Variants in PPP2R5C observed in about 807,000 individuals in gnomAD.
PPP2R5C encodes the protein serine/threonine-protein phosphatase 2A 56 kDa regulatory subunit gamma isoform.
In PPP2R5C, 7 loss-of-function variants were observed where a neutral mutation model predicts 68.9. The observed-to-expected ratio is 0.10, with a 90% CI of 0.06 to 0.19. The LOEUF is 0.19. Among genes scored for constraint, PPP2R5C ranks in the 10% least tolerant of loss-of-function variants. PPP2R5C has a pLI of 1.00. For synonymous variants in PPP2R5C, 210 were observed against 222.2 expected, an observed-to-expected ratio of 0.95 and a Z score of 0.49; for missense variants, 348 against 641.3, an observed-to-expected ratio of 0.54 and a Z score of 4.94.
rs1469363175 is a variant in PPP2R5C at position 101,906,745 on chromosome 14, A to T, written c.1151+216A>T. Reference sequence around the variant, plus strand: ...CCTTCATTCCTGCCAGTATAGAGGCACATTGGTTTGCAGCCACCTCCCAGT... The same window carrying T: ...CCTTCATTCCTGCCAGTATAGAGGCTCATTGGTTTGCAGCCACCTCCCAGT... On this transcript the variant is annotated intron_variant, in intron 10 of 13. Transcript: ENST00000334743. This position sits in a 1 kb window ranked among gnomAD's most constrained non-coding sequence, Gnocchi z 4.0. The T allele has an allele frequency of 1.8e-6, 1 of 555,358 alleles. No homozygotes were observed. Among genetic ancestry groups the T allele is most frequent in the Non-Finnish European group, 3.0e-6 (1 of 335,776 alleles). 34.4% of individuals were successfully genotyped at this position (555,358 alleles called of 1,614,324 possible).
chr14:101,925,006 C>G, intron 13 of PPP2R5C, 135 bp from the exon 16 acceptor site: 2 of 990,922 alleles, frequency 2.0e-6, no homozygotes, highest in South Asian at 3.1e-5. Flanking sequence ...CGCCGTTTCC[C>G]TGTGGCCAGG....
intron 1 of PPP2R5C, among the ~76,000 whole-genome samples, chr14:101,842,992 A>G (rs1566896544): frequency 6.6e-6 from 1 of 152,022 alleles, no homozygotes; most frequent in African/African-American, 2.4e-5. Context: ...TTGGTAGGCC[A>G]GAGGGGAAAG....
chr14:101,846,168 C>T (rs1484143164), intron 1 of PPP2R5C, among the ~76,000 whole-genome samples: 3 of 152,192 alleles, frequency 2.0e-5, no homozygotes, highest in Admixed American at 6.5e-5. Flanking sequence ...TGCTTCAACT[C>T]CTTCACATTG....
At chr14:101,839,521 A>G (rs1036952537) in intron 1 of PPP2R5C, 1 of 152,412 alleles carries the variant, frequency 6.6e-6, no homozygotes, top group Non-Finnish European at 1.5e-5. Flanking sequence ...AGGCTTCACC[A>G]GTGCACGCCT....
At chr14:101,910,802 C>T (rs1346925356) in intron 11 of PPP2R5C, among the ~76,000 whole-genome samples, 1 of 148,214 alleles carries the variant, frequency 6.7e-6, no homozygotes, top group Non-Finnish European at 1.5e-5. Context: ...CCCGTCTCTA[C>T]TAAAAATACA....
chr14:101,901,962 C>G, intron 9 of PPP2R5C, 73 bp downstream of exon 11: 1 of 1,500,212 alleles, frequency 6.7e-7, no homozygotes, highest in Non-Finnish European at 9.1e-7. Context: ...CCATGCGTAG[C>G]TGGCCATGCT....
In PPP2R5C at chr14:101,797,634, T is replaced by C. The variant is rs2038676735; in HGVS notation, c.259+11451T>C. On this transcript the variant is annotated intron_variant, in intron 3 of 14. Transcript: ENST00000328724. This position sits in a 1 kb window ranked among gnomAD's most constrained non-coding sequence, Gnocchi z 4.2. ...GAGGCTCCTGACTCACTTGACCTAC[T>C]GCGTAGGCTCCTAAAAGGGTGTCGG... is the stretch of plus-strand genomic sequence containing the variant. 4.8e-6 allele frequency: 1 copy of C among 206,584 alleles called. No individual in the cohort carries two copies. The highest frequency in any genetic ancestry group is 1.0e-5 in the Non-Finnish European group (1 of 99,520). The allele number at this position is 206,584 out of a possible 1,614,324, so 12.8% of individuals were successfully genotyped here.
intron 2 of PPP2R5C, among the ~76,000 whole-genome samples, chr14:101,778,435 T>G (rs2037524938): frequency 6.6e-6 from 1 of 152,230 alleles, no homozygotes. Flanking sequence ...TGTTTTCTTT[T>G]TAGTTGCTTG....
At chr14:101,836,252 CAGGGAGAG>C in intron 1 of PPP2R5C, 1 of 702,790 alleles carries the variant, frequency 1.4e-6, no homozygotes, top group East Asian at 2.7e-5. Context: ...TACGGAGCAG[CAGGGAGAG>C]CAAACCCATG....
chr14:101,843,407 G>T (rs1265882413), intron 1 of PPP2R5C: 1 of 228,134 alleles, frequency 4.4e-6, no homozygotes, highest in East Asian at 1.1e-4. Context: ...GAGACTTCCT[G>T]CCCTGCCAGA....
intron 1 of PPP2R5C, among the ~76,000 whole-genome samples, chr14:101,840,601 T>A (rs1247548625): frequency 6.6e-6 from 1 of 151,646 alleles, no homozygotes; most frequent in Non-Finnish European, 1.5e-5. Flanking sequence ...AATACTAAGA[T>A]GTTTGTGAAC....
intron 2 of PPP2R5C, among the ~76,000 whole-genome samples, chr14:101,782,115 TC>T (rs1204522360): frequency 2.6e-5 from 1 of 38,806 alleles, no homozygotes; most frequent in African/African-American, 1.1e-4. Context: ...CCCCTCCCCC[TC>T]CCCCTTCTTC....
At chr14:101,818,940 T>A (rs753273613) in intron 1 of PPP2R5C, 25 of 1,386,610 alleles carry the variant, frequency 1.8e-5, no homozygotes, top group Non-Finnish European at 2.4e-5. Context: ...CAATGTGTTC[T>A]AATTATGGTA....
rs1297794800 is a variant in PPP2R5C, at chr14:101,909,575, G to A, written c.1152-14G>A. 5.7e-6 allele frequency: 9 copies of A among 1,569,622 alleles called. No individual in the cohort carries two copies. The highest frequency in any genetic ancestry group is 1.1e-5 in the South Asian group (1 of 89,838). On this transcript the variant is annotated splice_polypyrimidine_tract_variant and intron_variant, in intron 10 of 13. Transcript: ENST00000334743. The stretch of plus-strand genomic sequence containing the variant: ...ATGCGTGCTCCCAGGCTCACCGTGC[G>A]GTTTTCTTTATAGGACAATACATGG...
chr14:101,785,928 A>G lies in PPP2R5C; in HGVS notation c.94-90A>G, dbSNP rs540968867. 4.1e-6 allele frequency: 5 copies of G among 1,222,834 alleles called. No homozygotes were observed. In the South Asian group the frequency reaches 9.4e-5, roughly 23 times the overall value. 75.7% of individuals were successfully genotyped at this position (1,222,834 alleles called of 1,614,324 possible). ...GAGTGAAGGGGAATGCCCCAGAGTAAGACTCATGTATATGTTTTTCTATAT... is the reference window on the plus strand; with the variant it reads ...GAGTGAAGGGGAATGCCCCAGAGTAGGACTCATGTATATGTTTTTCTATAT... On this transcript the variant is annotated intron_variant, in intron 2 of 14. Transcript: ENST00000328724.
intron 13 of PPP2R5C, among the ~76,000 whole-genome samples, chr14:101,923,780 T>C (rs79283583): frequency 0.038 from 5,736 of 152,100 alleles, 145 homozygotes; most frequent in Non-Finnish European, 0.05. Context: ...AGAACCCTGC[T>C]GAGAAACACT....
intron 2 of PPP2R5C, among the ~76,000 whole-genome samples, chr14:101,867,195 C>T (rs1487658106): frequency 2.0e-5 from 3 of 150,678 alleles, no homozygotes; most frequent in South Asian, 2.1e-4. Context: ...CCAGCCTGGG[C>T]GACAGAGCGA....
chr14:101,914,978 G>A (rs945898952), intron 12 of PPP2R5C, among the ~76,000 whole-genome samples: 12 of 152,206 alleles, frequency 7.9e-5, no homozygotes, highest in African/African-American at 2.9e-4. Flanking sequence ...CCCAGGGCAG[G>A]GTCTGGGACG....
chr14:101,777,272 G>A (rs1185780989), intron 2 of PPP2R5C, among the ~76,000 whole-genome samples: 6 of 152,110 alleles, frequency 3.9e-5, no homozygotes, highest in Admixed American at 2.0e-4. Context: ...ATTGTGTACC[G>A]ATTTTTGTTT....
Sources: gnomAD v4.1 joint callset for allele counts (sites outside exome capture counted in the v4.1 genomes callset) on GRCh38, gnomAD v4.1.1 for gene constraint, Gnocchi (gnomAD v3.1) non-coding constraint, MANE v1.5 for transcripts, NCBI Gene and HGNC (gene_info 2026-07-23, HGNC 2026-07-21) for gene names.